The following UQCRC1 variants were observed in gnomAD, a reference collection of about 807,000 sequenced individuals.
UQCRC1 encodes ubiquinol-cytochrome c reductase core protein 1.
UQCRC1 carries 34 observed loss-of-function variants against 58.0 expected under a neutral mutation model. That is an observed-to-expected ratio of 0.59 (90% confidence interval 0.45 to 0.78). The LOEUF (loss-of-function observed/expected upper bound fraction) is 0.78, where lower values mean the gene tolerates loss of function less well. UQCRC1 is among the 30% of genes least tolerant of loss of function. UQCRC1 has a pLI of 0.00. For synonymous variants in UQCRC1, 276 were observed against 248.8 expected (o/e 1.11, Z -1.03); for missense variants, 610 against 646.0 (o/e 0.94, Z 0.60).
At chr3:48,599,539 G>A in intron 12 of UQCRC1, 96 bp downstream of exon 12, 1 of 1,398,074 alleles carries the variant, frequency 7.2e-7, no homozygotes, top group South Asian at 1.2e-5. Flanking sequence ...TGGCTGCTCT[G>A]TAAGCTGAGC....
chr3:48,603,720 A>G, intron 5 of UQCRC1, 77 bp from the exon 6 acceptor site: 1 of 1,346,098 alleles, frequency 7.4e-7, no homozygotes, highest in Non-Finnish European at 1.0e-6. Flanking sequence ...AATGGGACTG[A>G]GGAGGCAGAC....
rs143071096 is a variant in UQCRC1, at chr3:48,609,323, G to GA, written c.70-22dup. On this transcript the variant is annotated intron_variant, in intron 1 of 12. Coordinates refer to ENST00000203407, the MANE Select transcript of UQCRC1 (RefSeq NM_003365.3). ...GCCGGCTGTGGAAGGGAACAGCCGC[G>GA]AGTGAGGACTCGGTCAGGGGATCGC... 2.6e-4 allele frequency: 418 copies of GA among 1,595,528 alleles called. 3 individuals are homozygous for GA. In the African/African-American group the frequency reaches 4.9e-3, roughly 19 times the overall value.
At chr3:48,607,559 CTTTTTTT>C (rs112257968) in intron 2 of UQCRC1, among the ~76,000 whole-genome samples, 3 of 139,530 alleles carry the variant, frequency 2.2e-5, no homozygotes, top group Non-Finnish European at 4.7e-5. Context: ...CCATTTTTTT[CTTTTTTT>C]TTTTTTTTAA....
chr3:48,609,637 G>C lies in UQCRC1; in HGVS notation c.-17C>G. On this transcript the variant is annotated 5_prime_UTR_variant, in exon 1 of 13. Coordinates refer to ENST00000203407, the MANE Select transcript of UQCRC1 (RefSeq NM_003365.3). ...CGCCGCCATCTTCCAGCTGCAGTCG[G>C]CCCTGTTGCGCCGCGCAAGCGTAGA... 6.5e-7 allele frequency: 1 copy of C among 1,548,486 alleles called. No homozygotes were observed. The highest frequency in any genetic ancestry group is 8.7e-7 in the Non-Finnish European group (1 of 1,149,908).
At position 48,600,999 on chromosome 3, in the gene UQCRC1, A is replaced by T; in HGVS notation, c.942T>A (p.Tyr314Ter). The change falls in exon 8 of 13, where the codon TAT becomes TAA. Residue 314 changes from tyrosine to a stop codon, truncating the protein, a stop_gained. Coordinates refer to ENST00000203407, the MANE Select transcript of UQCRC1 (RefSeq NM_003365.3). LOFTEE classifies it high-confidence loss of function. ...LQVANAIIGH[Y>*]DCTYGGGVHL... ...CCACGCCACCACCATAAGTGCAGTC[A>T]TAGTGGCCGATGATGGCATTGGCCA... The T allele has an allele frequency of 1.2e-6, 2 of 1,606,930 alleles. No individual in the cohort carries two copies. The highest frequency in any genetic ancestry group is 1.7e-6 in the Non-Finnish European group (2 of 1,174,246).
Position 48,600,470 on chromosome 3 carries a change from T to C in UQCRC1, c.1213+12A>G, listed in dbSNP as rs762061500. 4 of 1,614,130 alleles carry C rather than the reference T, an allele frequency of 2.5e-6. No individual in the cohort carries two copies. The highest frequency in any genetic ancestry group is 1.1e-5 in the South Asian group (1 of 91,088). Reference sequence around the variant, plus strand: ...TGTACTCTACCCCTCCCCGCTGAGCTGTAGGACTCACCATCTAGATGAGAT... The same window carrying C: ...TGTACTCTACCCCTCCCCGCTGAGCCGTAGGACTCACCATCTAGATGAGAT... On this transcript the variant is annotated intron_variant, in intron 10 of 12. Coordinates refer to ENST00000203407, the MANE Select transcript of UQCRC1 (RefSeq NM_003365.3).
At chr3:48,606,397 G>T (rs1428350819) in intron 2 of UQCRC1, among the ~76,000 whole-genome samples, 3 of 152,056 alleles carry the variant, frequency 2.0e-5, no homozygotes, top group African/African-American at 7.2e-5. Context: ...AAACAGTGTT[G>T]CCTTGGCACC....
intron 11 of UQCRC1, 55 bp from the exon 12 acceptor site, chr3:48,599,765 G>A (rs2046345044): frequency 6.4e-7 from 1 of 1,561,332 alleles, no homozygotes. Context: ...CACCACCTCA[G>A]CCAGTCAGCA....
intron 2 of UQCRC1, among the ~76,000 whole-genome samples, chr3:48,606,923 G>A (rs1459454361): frequency 6.6e-6 from 1 of 151,286 alleles, no homozygotes; most frequent in African/African-American, 2.4e-5. Flanking sequence ...GCAGTGGTGT[G>A]ATGTCGGCTC....
At position 48,599,115 on chromosome 3, in the gene UQCRC1, A is replaced by G. The variant is rs772295196; in HGVS notation, c.*13T>C. On this transcript the variant is annotated 3_prime_UTR_variant, in exon 13 of 13. Coordinates refer to ENST00000203407, the MANE Select transcript of UQCRC1 (RefSeq NM_003365.3). ...ACCCCGGCCCTGCCCTCTTGCTTAC[A>G]TAGGCTTCCCGCCTAGAAGCGCAGC... is the stretch of plus-strand genomic sequence containing the variant. 4 of 1,611,252 alleles carry G rather than the reference A, an allele frequency of 2.5e-6. No individual in the cohort carries two copies. In the South Asian group the frequency reaches 3.3e-5, roughly 13 times the overall value.
At chr3:48,600,872 C>A in intron 8 of UQCRC1, 32 bp from the exon 9 acceptor site, 2 of 1,613,332 alleles carry the variant, frequency 1.2e-6, no homozygotes, top group Non-Finnish European at 1.7e-6. Flanking sequence ...AGCACCCACC[C>A]TCTTGTCTTC....
At chr3:48,607,037 T>C (rs150302199) in intron 2 of UQCRC1, among the ~76,000 whole-genome samples, 1 of 151,568 alleles carries the variant, frequency 6.6e-6, no homozygotes, top group South Asian at 2.1e-4. Context: ...TTTTGTTTTT[T>C]TGTGTGTGTG....
chr3:48,607,829 C>CA (rs1553620898), intron 2 of UQCRC1, among the ~76,000 whole-genome samples: 1 of 143,872 alleles, frequency 7.0e-6, no homozygotes, highest in Non-Finnish European at 1.5e-5. Context: ...TAAGTAATTT[C>CA]TTTTTTTTTT....
At chr3:48,599,951 G>C in intron 11 of UQCRC1, 112 bp downstream of exon 11, 1 of 1,347,368 alleles carries the variant, frequency 7.4e-7, no homozygotes, top group African/African-American at 1.4e-5. Context: ...AGCTGCCTAG[G>C]ACACCAGGGA....
intron 2 of UQCRC1, among the ~76,000 whole-genome samples, chr3:48,607,208 A>G (rs976229898): frequency 1.3e-5 from 2 of 151,964 alleles, no homozygotes; most frequent in Non-Finnish European, 2.9e-5. Flanking sequence ...CGCCCGGCTA[A>G]TTTTTTGTAT....
Position 48,604,673 on chromosome 3 carries a change from C to T in UQCRC1, c.405G>A (p.Ala135=), listed in dbSNP as rs768228761. ...TREHTAYYIK[A]LSKDLPKAVE... ...TACCTTTCGGCAGATCCTTGGACAG[C>T]GCCTTGATGTAGTAAGCTGTGTGCT... Residue 135 remains alanine, a synonymous_variant, in exon 4 of 13, where the codon GCG becomes GCA. Transcript: ENST00000203407. The T allele has an allele frequency of 1.3e-4, 213 of 1,614,182 alleles. 1 individual carries two copies. The Middle Eastern group carries it at 1.5e-3, about 11-fold the overall frequency.
At chr3:48,609,027 T>C (rs1241216353) in intron 2 of UQCRC1, 135 bp downstream of exon 2, 1 of 1,245,262 alleles carries the variant, frequency 8.0e-7, no homozygotes, top group African/African-American at 1.5e-5. Context: ...AATGGGGCCA[T>C]TCTCGGGGTG....
intron 2 of UQCRC1, among the ~76,000 whole-genome samples, chr3:48,607,301 A>G (rs1559457846): frequency 6.6e-6 from 1 of 152,016 alleles, no homozygotes; most frequent in East Asian, 1.9e-4. Context: ...TCGGCCTCCC[A>G]AAGTGCTGGG....
intron 11 of UQCRC1, 131 bp downstream of exon 11, chr3:48,599,932 G>A: frequency 4.2e-6 from 5 of 1,187,940 alleles, no homozygotes; most frequent in Non-Finnish European, 4.8e-6. Context: ...TGCTACCCCT[G>A]CAGGTGACAG....
Sources: gnomAD v4.1 joint callset for allele counts (sites outside exome capture counted in the v4.1 genomes callset) on GRCh38, gnomAD v4.1.1 for gene constraint, MANE v1.5 for transcripts, NCBI Gene and HGNC (gene_info 2026-07-23, HGNC 2026-07-21) for gene names.